GALNT4: variants seen among roughly 807,000 people sequenced by gnomAD.
The protein encoded by GALNT4 is UDP-GalNAc:polypeptide N-acetylgalactosaminyltransferase 4.
A neutral mutation model predicts 45.1 loss-of-function variants in GALNT4; 23 were observed. The observed-to-expected ratio is 0.51, with a 90% CI of 0.37 to 0.72. The LOEUF is 0.72. Among genes scored for constraint, GALNT4 ranks in the 30% least tolerant of loss-of-function variants. GALNT4 has a pLI of 0.00. For missense variants in GALNT4, 757 were observed against 709.0 expected, an observed-to-expected ratio of 1.07 and a Z score of -0.77; for synonymous variants, 264 against 257.6, an observed-to-expected ratio of 1.02 and a Z score of -0.24.
rs1478862892 is a variant in GALNT4 at position 89,522,306 on chromosome 12, G to A, written c.*507C>T. ...TTGCCTTAAGCTCAATTTTCTTTTT[G>A]ATTAGAAAAAAATTAGATTAAAAAA... is the stretch of plus-strand genomic sequence containing the variant. On this transcript the variant is annotated 3_prime_UTR_variant, in exon 1 of 1. Coordinates refer to ENST00000529983, the MANE Select transcript of GALNT4 (RefSeq NM_003774.5). 8 of 396,910 alleles carry A rather than the reference G, an allele frequency of 2.0e-5. No individual in the cohort carries two copies. Among genetic ancestry groups the A allele is most frequent in the Non-Finnish European group, 3.5e-5 (8 of 225,724 alleles). 24.6% of individuals were successfully genotyped at this position (396,910 alleles called of 1,614,324 possible).
At position 89,522,607 on chromosome 12, in the gene GALNT4, G is replaced by A. The variant is rs530074213; in HGVS notation, c.*206C>T. On this transcript the variant is annotated 3_prime_UTR_variant, in exon 1 of 1. Coordinates refer to ENST00000529983, the MANE Select transcript of GALNT4 (RefSeq NM_003774.5). ...AACTCTTATATAAAACAACCAATAA[G>A]TAAGGCATTGTGAAATATTAAACAG... is the stretch of plus-strand genomic sequence containing the variant. The A allele has an allele frequency of 2.9e-5, 14 of 476,730 alleles. No homozygotes were observed. Among genetic ancestry groups the A allele is most frequent in the African/African-American group, 2.8e-4 (14 of 49,866 alleles). 29.5% of individuals were successfully genotyped at this position (476,730 alleles called of 1,614,324 possible). A position where few individuals can be genotyped will look rare whatever the true frequency, so the allele number is the denominator to read the frequency against.
Position 89,520,786 on chromosome 12 carries a change from C to T in GALNT4, c.*2027G>A, listed in dbSNP as rs1870784609. The T allele has an allele frequency of 6.6e-6, 1 of 152,186 alleles. No individual in the cohort carries two copies. Among genetic ancestry groups the T allele is most frequent in the Admixed American group, 6.5e-5 (1 of 15,282 alleles). The allele number at this position is 152,186 out of a possible 1,614,324, so 9.4% of individuals were successfully genotyped here. A position where few individuals can be genotyped will look rare whatever the true frequency, so the allele number is the denominator to read the frequency against. ...ACTTTACTCGTGAATACAGTGGACTCTTTACGAGGCATGCATTTTTCATAA... is the reference window on the plus strand; with the variant it reads ...ACTTTACTCGTGAATACAGTGGACTTTTTACGAGGCATGCATTTTTCATAA... On this transcript the variant is annotated 3_prime_UTR_variant, in exon 1 of 1. Transcript: ENST00000529983.
Position 89,524,075 on chromosome 12 carries a change from A to C in GALNT4, c.475T>G (p.Leu159Val). The change falls in exon 1 of 1, where the codon TTA becomes GTA. Residue 159 changes from leucine to valine, a missense_variant. By Grantham distance (32) the Leu-to-Val change is conservative. Transcript: ENST00000529983. ...AAAAGAACTGCAGGAGAAGTTTCTA[A>C]AACACTGTGAATGGTACGGAGCAAA... Reference protein sequence around the residue: ...STLLRTIHSVLETSPAVLLKE... With the variant: ...STLLRTIHSVVETSPAVLLKE... The C allele has an allele frequency of 6.2e-7, 1 of 1,613,906 alleles. No homozygotes were observed. Among genetic ancestry groups the C allele is most frequent in the Non-Finnish European group, 8.5e-7 (1 of 1,179,860 alleles).
At position 89,524,383 on chromosome 12, in the gene GALNT4, G is replaced by A. The variant is rs763373158; in HGVS notation, c.167C>T (p.Thr56Met). 5 of 1,613,984 alleles carry A rather than the reference G, an allele frequency of 3.1e-6. No homozygotes were observed. Among genetic ancestry groups the A allele is most frequent in the East Asian group, 2.2e-5 (1 of 44,878 alleles). The part of the protein sequence containing the change: ...SRRLSDLQKN[T>M]EDLSRPLYKK... ...ATAAAGCGGTCGAGACAAATCCTCC[G>A]TATTTTTCTGGAGGTCTGAGAGCCT... The change falls in exon 1 of 1, where the codon ACG (threonine) becomes ATG (methionine). Residue 56 changes from threonine to methionine, a missense_variant. Transcript: ENST00000529983.
In GALNT4 at chr12:89,522,979, G is replaced by A. The variant is rs1871020174; in HGVS notation, c.1571C>T (p.Pro524Leu). The A allele has an allele frequency of 6.2e-7, 1 of 1,614,042 alleles. No individual in the cohort carries two copies. The highest frequency in any genetic ancestry group is 8.5e-7 in the Non-Finnish European group (1 of 1,179,908). Residue 524 changes from proline (P) to leucine (L), a missense_variant, in exon 1 of 1, where the codon CCT becomes CTT. Pro to Leu is a moderately conservative substitution (Grantham distance 98). Coordinates refer to ENST00000529983, the MANE Select transcript of GALNT4 (RefSeq NM_003774.5). ...GMQNCPKDGF[P>L]VPANIIWHFK... ...ATGCCAAATAATGTTTGCTGGTACA[G>A]GGAACCCATCTTTGGGACAATTTTG... is the stretch of plus-strand genomic sequence containing the variant.
At position 89,524,298 on chromosome 12, in the gene GALNT4, C is replaced by T. The variant is rs762034669; in HGVS notation, c.252G>A (p.Gln84=). ...LGEWGKASKL[Q]LNEDELKQQE... is the part of the protein sequence containing the mutation. ...GCTGCTTCAGTTCATCCTCGTTGAG[C>T]TGGAGTTTGCTGGCTTTCCCCCACT... The change falls in exon 1 of 1, where the codon CAG becomes CAA. Residue 84 remains glutamine, a synonymous_variant. Transcript: ENST00000529983. The T allele has an allele frequency of 6.2e-7, 1 of 1,614,022 alleles. No homozygotes were observed. Among genetic ancestry groups the T allele is most frequent in the Non-Finnish European group, 8.5e-7 (1 of 1,179,898 alleles).
chr12:89,523,885 A>G lies in GALNT4; in HGVS notation c.665T>C (p.Val222Ala), dbSNP rs1454229533. The G allele has an allele frequency of 5.7e-6, 9 of 1,576,348 alleles. No homozygotes were observed. Among genetic ancestry groups the G allele is most frequent in the South Asian group, 1.2e-5 (1 of 83,822 alleles). The part of the protein sequence containing the change: ...LIGATFATGD[V>A]LTFLDCHCEC... ...ACAGTGACAATCCAGGAAAGTGAGG[A>G]CGTCCCCAGTGGCGAAAGTGGCCCC... Residue 222 changes from valine (V) to alanine (A), a missense_variant, in exon 1 of 1, where the codon GTC becomes GCC. Transcript: ENST00000529983.
Sources: gnomAD v4.1 joint callset for allele counts on GRCh38, gnomAD v4.1.1 for gene constraint, MANE v1.5 for transcripts, NCBI Gene and HGNC (gene_info 2026-07-23, HGNC 2026-07-21) for gene names.